DLG2: variants seen among roughly 807,000 people sequenced by gnomAD.
DLG2 encodes the protein discs large MAGUK scaffold protein 2, also known as disks large homolog 2.
A neutral mutation model predicts 132.5 loss-of-function variants in DLG2; 45 were observed. The ratio of observed to expected loss-of-function variants is 0.34; its 90% CI spans 0.27 to 0.44. The LOEUF (loss-of-function observed/expected upper bound fraction) is 0.44. DLG2 is among the 20% of genes least tolerant of loss of function. DLG2 has a pLI of 1.00. For missense variants in DLG2, 1,045 were observed against 1,196.9 expected (o/e 0.87, Z 1.87); for synonymous variants, 424 against 419.6 (o/e 1.01, Z -0.13).
At chr11:85,478,662 C>T (rs2093210584) in intron 3 of DLG2, among the ~76,000 whole-genome samples, 1 of 152,112 alleles carries the variant, frequency 6.6e-6, no homozygotes, top group Non-Finnish European at 1.5e-5. Flanking sequence ...ACAACTGCCT[C>T]CCATTGTTGT....
intron 9 of DLG2, among the ~76,000 whole-genome samples, chr11:84,146,840 T>A (rs187437832): frequency 1.4e-3 from 214 of 152,278 alleles, no homozygotes; most frequent in African/African-American, 4.9e-3. Context: ...GGGACAGTTA[T>A]AACATGGGAA....
intron 8 of DLG2, among the ~76,000 whole-genome samples, chr11:84,228,840 T>C (rs559682008): frequency 1.3e-5 from 2 of 152,316 alleles, no homozygotes; most frequent in Admixed American, 6.5e-5. Flanking sequence ...GGGCTCTGTA[T>C]TGATGTCGCC....
rs143222831 is a variant in DLG2 at position 84,224,739 on chromosome 11, C to T, written c.573+26499G>A. Among the ~76,000 whole-genome samples the T allele has an allele frequency of 4.5e-4, 68 of 152,320 alleles. 1 individual carries two copies. Among genetic ancestry groups the T allele is most frequent in the African/African-American group, 1.1e-3 (46 of 41,574 alleles). On this transcript the variant is annotated intron_variant, in intron 8 of 27. Transcript: ENST00000376104. ...GCTCTTAACTATTATACCATGCGCTCTACTGCTGCAGGAACAGCCACCTGT... is the reference window on the plus strand; with the variant it reads ...GCTCTTAACTATTATACCATGCGCTTTACTGCTGCAGGAACAGCCACCTGT...
intron 18 of DLG2, among the ~76,000 whole-genome samples, chr11:83,639,596 G>A (rs2065854762): frequency 6.6e-6 from 1 of 150,714 alleles, no homozygotes; most frequent in Admixed American, 6.6e-5. Flanking sequence ...ATCACATACC[G>A]GGGCCTGTTG....
In DLG2 at chr11:85,401,688, A is replaced by C. The variant is rs72479284; in HGVS notation, c.41-116323T>G. On this transcript the variant is annotated intron_variant, in intron 3 of 27. Transcript: ENST00000376104. Reference sequence around the variant, plus strand: ...GCAAAAATCACAAGTATTCCTATACACTAATAATAGACAAACAGAGAGCCA... The same window carrying C: ...GCAAAAATCACAAGTATTCCTATACCCTAATAATAGACAAACAGAGAGCCA... Among the ~76,000 whole-genome samples the C allele has an allele frequency of 5.3e-4, 81 of 152,322 alleles. 1 individual carries two copies. In the East Asian group the frequency reaches 0.014, roughly 27 times the overall value.
Position 83,926,999 on chromosome 11 carries a change from G to A in DLG2, c.1496+3329C>T, listed in dbSNP as rs1006812065. Among the ~76,000 whole-genome samples, 6 of 152,206 alleles carry A rather than the reference G, an allele frequency of 3.9e-5. No homozygotes were observed. The South Asian group carries it at 1.2e-3, about 32-fold the overall frequency. ...GACAATCACCATAGACATAGTTTAT[G>A]GTGAAAGTACGACATAAAGTAAGTT... is the stretch of plus-strand genomic sequence containing the variant. On this transcript the variant is annotated intron_variant, in intron 15 of 27. Transcript: ENST00000376104.
At chr11:83,945,918 T>TTCCTTCCTTCCTTCCG (rs2083758952) in intron 14 of DLG2, among the ~76,000 whole-genome samples, 2 of 147,000 alleles carry the variant, frequency 1.4e-5, no homozygotes, top group Non-Finnish European at 3.0e-5. Flanking sequence ...CTTTCCTTCT[T>TTCCTTCCTTCCTTCCG]TCCTTCCTTC....
chr11:83,969,195 A>G (rs889297897), intron 12 of DLG2, among the ~76,000 whole-genome samples: 4 of 152,200 alleles, frequency 2.6e-5, no homozygotes, highest in African/African-American at 9.6e-5. Context: ...CAAAGCCATC[A>G]ATTGGATCAC....
intron 3 of DLG2, among the ~76,000 whole-genome samples, chr11:85,566,907 G>A (rs935139528): frequency 1.3e-5 from 2 of 152,050 alleles, no homozygotes; most frequent in Admixed American, 6.6e-5. Flanking sequence ...ATATGTCCTG[G>A]TAGCATTTGT....
chr11:84,066,685 T>C (rs2096678703), intron 10 of DLG2, among the ~76,000 whole-genome samples: 1 of 151,420 alleles, frequency 6.6e-6, no homozygotes, highest in South Asian at 2.1e-4. Flanking sequence ...CGCTTGAACC[T>C]GGGAGGCAGA....
intron 6 of DLG2, among the ~76,000 whole-genome samples, chr11:84,976,184 T>C (rs1348409053): frequency 2.0e-5 from 3 of 152,080 alleles, no homozygotes; most frequent in African/African-American, 7.3e-5. Flanking sequence ...AGACTGGAAT[T>C]TTTTTGTGTG....
At chr11:85,028,639 C>T (rs1346854215) in intron 6 of DLG2, among the ~76,000 whole-genome samples, 1 of 152,184 alleles carries the variant, frequency 6.6e-6, no homozygotes, top group African/African-American at 2.4e-5. Flanking sequence ...GCGACAGTGC[C>T]TAGGCTCAGC....
chr11:84,446,931 A>T (rs2099036926), intron 7 of DLG2, among the ~76,000 whole-genome samples: 1 of 152,066 alleles, frequency 6.6e-6, no homozygotes, highest in South Asian at 2.1e-4. Context: ...ACAAACACAA[A>T]CAAGTCCACG....
At chr11:84,415,226 C>T (rs572522886) in intron 7 of DLG2, among the ~76,000 whole-genome samples, 1 of 152,300 alleles carries the variant, frequency 6.6e-6, no homozygotes, top group South Asian at 2.1e-4. Flanking sequence ...GATGACCTTT[C>T]TCTATGGGTA....
chr11:85,483,988 G>A (rs1005419963), intron 3 of DLG2, among the ~76,000 whole-genome samples: 12 of 152,006 alleles, frequency 7.9e-5, no homozygotes, highest in African/African-American at 1.9e-4. Context: ...TCCAGGAGTC[G>A]GGTTGCTTGG....
chr11:84,133,717 G>C (rs921367873), intron 9 of DLG2, among the ~76,000 whole-genome samples: 1 of 151,938 alleles, frequency 6.6e-6, no homozygotes, highest in Non-Finnish European at 1.5e-5. Flanking sequence ...CTGGGCTCAA[G>C]CAACCCTCTC....
chr11:85,445,769 A>T (rs1227093565), intron 3 of DLG2, among the ~76,000 whole-genome samples: 1 of 152,202 alleles, frequency 6.6e-6, no homozygotes, highest in African/African-American at 2.4e-5. Flanking sequence ...TAGAGTTTTA[A>T]TTTTTATTTT....
intron 6 of DLG2, among the ~76,000 whole-genome samples, chr11:84,599,448 G>C (rs1386681394): frequency 2.6e-5 from 4 of 152,142 alleles, no homozygotes; most frequent in East Asian, 3.9e-4. Flanking sequence ...TCTTGCTTTA[G>C]TGCCTTGTTT....
At chr11:85,196,130 A>G (rs1283739115) in intron 4 of DLG2, among the ~76,000 whole-genome samples, 5 of 152,310 alleles carry the variant, frequency 3.3e-5, no homozygotes, top group Middle Eastern at 3.4e-3. Context: ...ACTTTTGACC[A>G]TAAAGTTGTT....
Sources: allele counts gnomAD v4.1 joint callset (sites outside exome capture counted in the v4.1 genomes callset), GRCh38; gene constraint gnomAD v4.1.1; transcripts MANE v1.5; gene names NCBI Gene and HGNC (gene_info 2026-07-23, HGNC 2026-07-21).